CRPPA: variants seen among roughly 807,000 people sequenced by gnomAD.
The protein encoded by CRPPA is CDP-L-ribitol pyrophosphorylase A.
Under a neutral mutation model 52.0 loss-of-function variants are expected in CRPPA, and 43 were observed. That is an observed-to-expected ratio of 0.83 (90% CI 0.65 to 1.07). The LOEUF is 1.07. Ranked by LOEUF, CRPPA falls within the 50% of genes least tolerant of loss-of-function variation. CRPPA has a pLI of 0.00. For missense variants in CRPPA, 629 were observed against 551.7 expected, an observed-to-expected ratio of 1.14 and a Z score of -1.40; for synonymous variants, 250 against 203.5, an observed-to-expected ratio of 1.23 and a Z score of -1.94.
At chr7:16,137,492 T>C (rs542634212) in intron 9 of CRPPA, among the ~76,000 whole-genome samples, 1 of 152,310 alleles carries the variant, frequency 6.6e-6, no homozygotes, top group South Asian at 2.1e-4. Flanking sequence ...CTCTAAAAAA[T>C]GGGCTCATGT....
intron 9 of CRPPA, among the ~76,000 whole-genome samples, chr7:16,122,383 G>C (rs931770728): frequency 6.6e-6 from 1 of 151,870 alleles, no homozygotes; most frequent in African/African-American, 2.4e-5. Flanking sequence ...TGAAAAGAAT[G>C]AGAGACACCA....
At chr7:16,244,209 T>C (rs1336697324) in intron 8 of CRPPA, among the ~76,000 whole-genome samples, 1 of 152,188 alleles carries the variant, frequency 6.6e-6, no homozygotes, top group African/African-American at 2.4e-5. Flanking sequence ...AGCCTCTTAC[T>C]AGTGCCAATT....
At chr7:16,155,672 A>G (rs921819861) in intron 9 of CRPPA, among the ~76,000 whole-genome samples, 1 of 152,264 alleles carries the variant, frequency 6.6e-6, no homozygotes, top group Non-Finnish European at 1.5e-5. Flanking sequence ...TGACACATAT[A>G]CAAAATATCC....
chr7:16,322,344 C>G (rs1164637360), intron 3 of CRPPA, among the ~76,000 whole-genome samples: 2 of 151,980 alleles, frequency 1.3e-5, no homozygotes, highest in Non-Finnish European at 2.9e-5. Flanking sequence ...CAGAAAGAAG[C>G]CTGAAAGCAT....
At chr7:16,167,543 T>A (rs1781093374) in intron 9 of CRPPA, among the ~76,000 whole-genome samples, 1 of 152,210 alleles carries the variant, frequency 6.6e-6, no homozygotes, top group African/African-American at 2.4e-5. Flanking sequence ...CCATTTCTTA[T>A]AAATGTGTCT....
intron 3 of CRPPA, among the ~76,000 whole-genome samples, chr7:16,323,693 T>C (rs1368031071): frequency 6.6e-6 from 1 of 152,316 alleles, no homozygotes; most frequent in East Asian, 1.9e-4. Context: ...CAAACTGATA[T>C]AATTGCTTAA....
intron 3 of CRPPA, among the ~76,000 whole-genome samples, chr7:16,327,522 A>G (rs1237018054): frequency 6.8e-6 from 1 of 146,510 alleles, no homozygotes; most frequent in South Asian, 2.2e-4. Flanking sequence ...GAACCTGGGA[A>G]GCGGAGCTCG....
chr7:16,348,297 A>T (rs1158774659), intron 3 of CRPPA, among the ~76,000 whole-genome samples: 1 of 152,186 alleles, frequency 6.6e-6, no homozygotes, highest in South Asian at 2.1e-4. Flanking sequence ...ACTCTTCAAG[A>T]GGAGAGCACA....
At chr7:16,240,258 T>C (rs1057096030) in intron 8 of CRPPA, among the ~76,000 whole-genome samples, 5 of 151,168 alleles carry the variant, frequency 3.3e-5, no homozygotes, top group African/African-American at 4.9e-5. Context: ...CCAGTATTTA[T>C]TTAGGTTTTC....
At chr7:16,271,153 T>A (rs192340727) in intron 6 of CRPPA, among the ~76,000 whole-genome samples, 17 of 152,246 alleles carry the variant, frequency 1.1e-4, no homozygotes, top group Admixed American at 1.0e-3. Context: ...AAGGAGTGGA[T>A]AACCAAAATA....
At chr7:16,270,649 A>G (rs1419722494) in intron 6 of CRPPA, 1 of 152,164 alleles carries the variant, frequency 6.6e-6, no homozygotes, top group African/African-American at 2.4e-5. Flanking sequence ...ATACACATGC[A>G]TGTAACACAT....
intron 1 of CRPPA, 87 bp from the exon 2 acceptor site, chr7:16,406,424 T>C (rs770658296): frequency 9.5e-6 from 11 of 1,154,986 alleles, no homozygotes; most frequent in Admixed American, 2.3e-5. Flanking sequence ...AGTATTGGTA[T>C]ATTTAAATAG....
intron 9 of CRPPA, among the ~76,000 whole-genome samples, chr7:16,141,893 T>G (rs1410905471): frequency 1.3e-5 from 2 of 152,176 alleles, no homozygotes. Context: ...GTCACCCTAC[T>G]ATCCCAGATC....
intron 2 of CRPPA, among the ~76,000 whole-genome samples, chr7:16,389,546 A>C (rs1243224033): frequency 1.3e-5 from 2 of 152,150 alleles, no homozygotes; most frequent in African/African-American, 2.4e-5. Context: ...CATCTGACAA[A>C]ATCCAACACC....
intron 6 of CRPPA, among the ~76,000 whole-genome samples, chr7:16,264,081 A>G (rs1205666690): frequency 6.6e-6 from 1 of 152,168 alleles, no homozygotes; most frequent in East Asian, 1.9e-4. Flanking sequence ...CAACCAGAAA[A>G]CAATCAGTAT....
At chr7:16,233,488 T>C (rs1782862613) in intron 8 of CRPPA, among the ~76,000 whole-genome samples, 1 of 152,116 alleles carries the variant, frequency 6.6e-6, no homozygotes, top group South Asian at 2.1e-4. Context: ...TGTAATTAAA[T>C]CACATATATT....
At chr7:16,191,639 C>T (rs1781613003) in intron 9 of CRPPA, among the ~76,000 whole-genome samples, 1 of 152,130 alleles carries the variant, frequency 6.6e-6, no homozygotes, top group Non-Finnish European at 1.5e-5. Context: ...GAGTACTAGT[C>T]TTAGCTATAT....
At chr7:16,317,908 T>A (rs1023555077) in intron 3 of CRPPA, among the ~76,000 whole-genome samples, 2 of 152,184 alleles carry the variant, frequency 1.3e-5, no homozygotes, top group Non-Finnish European at 2.9e-5. Flanking sequence ...CCAACATTTG[T>A]TATTTCTCTA....
chr7:16,335,038 G>T (rs926360978), intron 3 of CRPPA, among the ~76,000 whole-genome samples: 5 of 151,300 alleles, frequency 3.3e-5, no homozygotes, highest in Non-Finnish European at 7.4e-5. Context: ...AAGACGTTCA[G>T]GCCAGGTGAA....
Sources: allele counts gnomAD v4.1 joint callset (sites outside exome capture counted in the v4.1 genomes callset), GRCh38; gene constraint gnomAD v4.1.1; transcripts MANE v1.5; gene names NCBI Gene and HGNC (gene_info 2026-07-23, HGNC 2026-07-21).